Variants in CDON observed in about 807,000 individuals in gnomAD.
CDON encodes cell adhesion molecule-related/down-regulated by oncogenes.
In CDON, 73 loss-of-function variants were observed where a neutral mutation model predicts 120.9. The ratio of observed to expected loss-of-function variants is 0.60; its 90% CI spans 0.50 to 0.73. CDON has a LOEUF of 0.73. Among genes scored for constraint, CDON ranks in the 30% least tolerant of loss-of-function variants. The pLI is 0.00. For synonymous variants in CDON, 566 were observed against 573.5 expected (o/e 0.99, Z 0.19); for missense variants, 1,470 against 1,587.3 (o/e 0.93, Z 1.26).
intron 1 of CDON, among the ~76,000 whole-genome samples, chr11:126,029,133 G>C (rs188791338): frequency 6.6e-6 from 1 of 152,254 alleles, no homozygotes; most frequent in African/African-American, 2.4e-5. Flanking sequence ...GTGTGGATAC[G>C]AATCTTGACT....
At chr11:126,041,280 G>T (rs984046204) in intron 1 of CDON, among the ~76,000 whole-genome samples, 4 of 151,372 alleles carry the variant, frequency 2.6e-5, no homozygotes, top group African/African-American at 9.7e-5. Context: ...CAACACCAAA[G>T]GCACTATTAT....
At chr11:125,963,271 C>A (rs1945698045) in intron 18 of CDON, among the ~76,000 whole-genome samples, 1 of 152,116 alleles carries the variant, frequency 6.6e-6, no homozygotes, top group South Asian at 2.1e-4. Context: ...AGCTATTCTA[C>A]CATTACTGGA....
At chr11:126,015,618 T>C in intron 6 of CDON, 108 bp from the exon 7 acceptor site, 1 of 1,157,344 alleles carries the variant, frequency 8.6e-7, no homozygotes, top group Non-Finnish European at 1.3e-6. Context: ...TGAAACAAAG[T>C]TGCATTGTTT....
At chr11:126,037,256 A>G (rs1948125628) in intron 1 of CDON, among the ~76,000 whole-genome samples, 1 of 152,014 alleles carries the variant, frequency 6.6e-6, no homozygotes, top group Non-Finnish European at 1.5e-5. Context: ...GTGCACCACC[A>G]TGCTCGGCTA....
At chr11:126,039,059 G>C (rs1286976474) in intron 1 of CDON, among the ~76,000 whole-genome samples, 1 of 152,146 alleles carries the variant, frequency 6.6e-6, no homozygotes, top group Non-Finnish European at 1.5e-5. Context: ...CCCCTAAAAC[G>C]AAGAGAGCTA....
intron 18 of CDON, among the ~76,000 whole-genome samples, chr11:125,974,195 C>T (rs902430868): frequency 1.3e-5 from 2 of 151,844 alleles, no homozygotes; most frequent in Non-Finnish European, 2.9e-5. Context: ...TGCACCCCGC[C>T]GATTTATGTC....
intron 5 of CDON, among the ~76,000 whole-genome samples, 176 bp from the exon 6 acceptor site, chr11:126,017,551 C>A (rs1164202728): frequency 6.6e-6 from 1 of 152,116 alleles, no homozygotes; most frequent in East Asian, 1.9e-4. Flanking sequence ...TTTAGGGCTA[C>A]TTCTGAATTG....
chr11:125,986,369 A>G (rs2134472690), intron 15 of CDON, among the ~76,000 whole-genome samples: 1 of 152,326 alleles, frequency 6.6e-6, no homozygotes. Flanking sequence ...AACACGGCAC[A>G]TGTATATGTA....
At position 125,978,321 on chromosome 11, in the gene CDON, A is replaced by G; in HGVS notation, c.3339T>C (p.Asn1113=). Residue 1113 remains asparagine (N), a synonymous_variant, in exon 18 of 20, where the codon AAT becomes AAC. Transcript: ENST00000531738. ...TAACATACCTATTGTTGTTTCGACA[A>G]TTTCGGCAGTTAACACACTCCAGAG... ...IDPLECVNCR[N]CRNNNRCFTK... The G allele has an allele frequency of 1.2e-6, 2 of 1,605,448 alleles. No individual in the cohort carries two copies. Among genetic ancestry groups the G allele is most frequent in the South Asian group, 2.2e-5 (2 of 89,656 alleles).
chr11:125,976,108 C>G (rs1946142877), intron 18 of CDON, among the ~76,000 whole-genome samples: 1 of 152,196 alleles, frequency 6.6e-6, no homozygotes, highest in South Asian at 2.1e-4. Flanking sequence ...AACCACGTAT[C>G]ATCTACCTTT....
chr11:125,989,608 T>C, intron 15 of CDON, 29 bp downstream of exon 15: 2 of 1,605,776 alleles, frequency 1.2e-6, no homozygotes, highest in Non-Finnish European at 1.7e-6. Context: ...ATTCTATCAC[T>C]GTCCAGGGAA....
intron 3 of CDON, among the ~76,000 whole-genome samples, chr11:126,020,977 G>A (rs961448590): frequency 7.7e-6 from 1 of 130,294 alleles, no homozygotes; most frequent in African/African-American, 3.1e-5. Context: ...TGGCAAAGCT[G>A]CAGAGATTAT....
In CDON at chr11:125,961,070, T is replaced by G. The variant is rs988692637; in HGVS notation, c.3667A>C (p.Ile1223Leu). Residue 1223 changes from isoleucine to leucine, a missense_variant, in exon 20 of 20, where the codon ATT (isoleucine) becomes CTT (leucine). Ile to Leu is a conservative substitution (Grantham distance 5). Coordinates refer to ENST00000531738, the MANE Select transcript of CDON (RefSeq NM_001378964.1). ...SCAHSETEIN[I>L]VSWNALILPP... is the part of the protein sequence containing the mutation. ...AAAATAAGAGCATTCCAACTTACAA[T>G]GTTGATCTCTGTTTCTGAATGGGCA... is the stretch of plus-strand genomic sequence containing the variant. The G allele has an allele frequency of 1.7e-5, 28 of 1,613,748 alleles. No homozygotes were observed. Among genetic ancestry groups the G allele is most frequent in the Non-Finnish European group, 2.0e-5 (24 of 1,179,904 alleles).
At chr11:126,012,161 C>G (rs982510290) in intron 7 of CDON, among the ~76,000 whole-genome samples, 1 of 152,066 alleles carries the variant, frequency 6.6e-6, no homozygotes, top group Non-Finnish European at 1.5e-5. Flanking sequence ...TTGGGTTATG[C>G]ATATAAATTT....
In CDON at chr11:125,997,319, T is replaced by G; in HGVS notation, c.2250A>C (p.Pro750=). The G allele has an allele frequency of 6.2e-7, 1 of 1,614,084 alleles. No homozygotes were observed. The highest frequency in any genetic ancestry group is 1.6e-4 in the Middle Eastern group (1 of 6,062). ...TWIPRANGGS[P]ITAFKVEYKR... ...TATATTCGACTTTGAAGGCAGTGAT[T>G]GGAGAACCCCCGTTTGCCCGAGGAA... is the stretch of plus-strand genomic sequence containing the variant. Residue 750 remains proline (P), a synonymous_variant, in exon 12 of 20, where the codon CCA becomes CCC. Transcript: ENST00000531738.
At chr11:125,988,030 T>C (rs764722903) in intron 15 of CDON, among the ~76,000 whole-genome samples, 12 of 152,178 alleles carry the variant, frequency 7.9e-5, no homozygotes, top group Non-Finnish European at 1.3e-4. Context: ...AATAATAAGA[T>C]CACCTGTAGA....
intron 12 of CDON, among the ~76,000 whole-genome samples, chr11:125,996,085 C>T (rs7948658): frequency 0.017 from 2,522 of 151,768 alleles, 81 homozygotes; most frequent in African/African-American, 0.058. Flanking sequence ...GTATTACAAC[C>T]GTGCTGAAAT....
In CDON at chr11:126,024,509, T is replaced by G. The variant is rs577589641; in HGVS notation, c.-61-972A>C. 1.1e-4 allele frequency among the ~76,000 whole-genome samples: 17 copies of G among 152,324 alleles called. No individual in the cohort carries two copies. In the South Asian group the frequency reaches 3.5e-3, roughly 32 times the overall value. On this transcript the variant is annotated intron_variant, in intron 1 of 19. Coordinates refer to ENST00000531738, the MANE Select transcript of CDON (RefSeq NM_001378964.1). ...GGACACAGATGTGTGAAGGATACAC[T>G]TGGGTTTTGGTGACACAAAATAAAT...
chr11:125,982,101 A>G (rs1017296827), intron 16 of CDON, among the ~76,000 whole-genome samples: 2 of 143,006 alleles, frequency 1.4e-5, no homozygotes, highest in African/African-American at 5.2e-5. Context: ...CTCCTGCTTC[A>G]ACCTCCCAAG....
Sources: allele counts gnomAD v4.1 joint callset (sites outside exome capture counted in the v4.1 genomes callset), GRCh38; gene constraint gnomAD v4.1.1; transcripts MANE v1.5; gene names NCBI Gene and HGNC (gene_info 2026-07-23, HGNC 2026-07-21).